EGF: variants seen among roughly 807,000 people sequenced by gnomAD.
The protein encoded by EGF is pro-epidermal growth factor.
Under a neutral mutation model 143.8 loss-of-function variants are expected in EGF, and 95 were observed. That is an observed-to-expected ratio of 0.66 (90% CI 0.56 to 0.78). EGF has a LOEUF of 0.78. Among genes scored for constraint, EGF ranks in the 30% least tolerant of loss-of-function variants. EGF has a pLI of 0.00. For missense variants in EGF, 1,320 were observed against 1,470.9 expected (o/e 0.90, Z 1.68); for synonymous variants, 510 against 510.5 (o/e 1.00, Z 0.01).
chr4:109,960,997 A>G lies in EGF; in HGVS notation c.1189+8A>G. On this transcript the variant is annotated splice_region_variant and intron_variant, in intron 7 of 23. Coordinates refer to ENST00000265171, the MANE Select transcript of EGF (RefSeq NM_001963.6). The stretch of plus-strand genomic sequence containing the variant: ...ATGGGAAACGATGTCATCGTAAGTT[A>G]TAGCAACAAGTATTTATTGCATTAG... The G allele has an allele frequency of 6.2e-7, 1 of 1,613,830 alleles. No individual in the cohort carries two copies. Among genetic ancestry groups the G allele is most frequent in the South Asian group, 1.1e-5 (1 of 91,076 alleles).
chr4:109,927,112 G>T (rs540029519), intron 1 of EGF, among the ~76,000 whole-genome samples: 52 of 152,286 alleles, frequency 3.4e-4, no homozygotes, highest in African/African-American at 1.2e-3. Flanking sequence ...TAGAAAGATA[G>T]AAATTTGCTG....
At chr4:109,993,828 A>G (rs993233020) in intron 19 of EGF, among the ~76,000 whole-genome samples, 6 of 152,114 alleles carry the variant, frequency 3.9e-5, no homozygotes, top group African/African-American at 1.2e-4. Flanking sequence ...CTCAATATTC[A>G]TAATGGTTGA....
chr4:109,950,753 CTG>C (rs1210689111), intron 5 of EGF, among the ~76,000 whole-genome samples: 1 of 152,230 alleles, frequency 6.6e-6, no homozygotes, highest in African/African-American at 2.4e-5. Flanking sequence ...CCTTCACCAG[CTG>C]TCTCTCCTCA....
chr4:109,943,355 A>C lies in EGF; in HGVS notation c.429A>C (p.Thr143=). 1 of 1,613,358 alleles carries C rather than the reference A, an allele frequency of 6.2e-7. No individual in the cohort carries two copies. The highest frequency in any genetic ancestry group is 8.5e-7 in the Non-Finnish European group (1 of 1,179,428). ...AACAGGAAGGAATCATTACAGTAAC[A>C]GATATGAAAGGAAATAATTCCCACA... ...SNQQEGIITV[T]DMKGNNSHIL... The change falls in exon 3 of 24, where the codon ACA becomes ACC. Residue 143 remains threonine, a synonymous_variant. Coordinates refer to ENST00000265171, the MANE Select transcript of EGF (RefSeq NM_001963.6).
chr4:109,995,547 G>A (rs894778895), intron 20 of EGF, among the ~76,000 whole-genome samples: 1 of 152,126 alleles, frequency 6.6e-6, no homozygotes, highest in Admixed American at 6.5e-5. Flanking sequence ...TGCTCACTCC[G>A]AAAACCTTTC....
intron 11 of EGF, among the ~76,000 whole-genome samples, chr4:109,972,445 G>A (rs1747808484): frequency 1.3e-5 from 2 of 152,088 alleles, no homozygotes; most frequent in African/African-American, 4.8e-5. Flanking sequence ...TCATCTCTAA[G>A]ATGATTAGAG....
intron 15 of EGF, 42 bp from the exon 16 acceptor site, chr4:109,983,380 A>G: frequency 3.7e-6 from 6 of 1,606,246 alleles, no homozygotes; most frequent in Non-Finnish European, 5.1e-6. Flanking sequence ...TTTTTTTGAA[A>G]CAGAAAAGCT....
intron 23 of EGF, among the ~76,000 whole-genome samples, chr4:110,010,074 A>G (rs1385719818): frequency 6.6e-6 from 1 of 152,252 alleles, no homozygotes; most frequent in East Asian, 1.9e-4. Context: ...GCCTGTCTCT[A>G]TGGTGGAACG....
chr4:109,945,233 C>A lies in EGF; in HGVS notation c.898C>A (p.Pro300Thr). The change falls in exon 5 of 24, where the codon CCA becomes ACA. Residue 300 changes from proline (P) to threonine (T), a missense_variant. Pro to Thr is a conservative substitution (Grantham distance 38). Coordinates refer to ENST00000265171, the MANE Select transcript of EGF (RefSeq NM_001963.6). Reference sequence around the variant, plus strand: ...ACTTGGTGAACTGAAAGTAGTGCATCCACTTGCACAACCCAAGGCAGAAGA... The same window carrying A: ...ACTTGGTGAACTGAAAGTAGTGCATACACTTGCACAACCCAAGGCAGAAGA... ...VPLGELKVVHPLAQPKAEDDT... is the reference protein window; with the variant it reads ...VPLGELKVVHTLAQPKAEDDT... 1 of 1,614,072 alleles carries A rather than the reference C, an allele frequency of 6.2e-7. No homozygotes were observed. Among genetic ancestry groups the A allele is most frequent in the South Asian group, 1.1e-5 (1 of 91,074 alleles).
At chr4:109,978,381 A>G (rs1748830498) in intron 13 of EGF, among the ~76,000 whole-genome samples, 1 of 152,246 alleles carries the variant, frequency 6.6e-6, no homozygotes. Flanking sequence ...AAGAAAGATT[A>G]TGTCTAGTGT....
chr4:109,990,123 GA>G (rs11569060), intron 18 of EGF, among the ~76,000 whole-genome samples: 200 of 152,154 alleles, frequency 1.3e-3, no homozygotes, highest in Non-Finnish European at 2.5e-3. Context: ...ATTATATCAG[GA>G]ACTCATAAAA....
chr4:109,960,742 T>G, intron 6 of EGF, 125 bp from the exon 7 acceptor site: 1 of 1,111,996 alleles, frequency 9.0e-7, no homozygotes, highest in Non-Finnish European at 1.3e-6. Context: ...GAAAACAGAC[T>G]TTCCATGATC....
In EGF at chr4:109,999,785, G is replaced by C. The variant is rs777153012; in HGVS notation, c.3112G>C (p.Val1038Leu). The change falls in exon 21 of 24, where the codon GTC becomes CTC. Residue 1038 changes from valine (V) to leucine (L), a missense_variant. Val to Leu is a conservative substitution (Grantham distance 32). Coordinates refer to ENST00000265171, the MANE Select transcript of EGF (RefSeq NM_001963.6). ...GQQQKVIVVAVCVVVLVMLLL... is the reference protein window; with the variant it reads ...GQQQKVIVVALCVVVLVMLLL... ...GCAGCAGAAGGTCATCGTGGTGGCT[G>C]TCTGCGTGGTGGTGCTTGTCATGCT... The C allele has an allele frequency of 2.5e-6, 4 of 1,614,118 alleles. No homozygotes were observed. The South Asian group carries it at 4.4e-5, about 18-fold the overall frequency.
intron 1 of EGF, among the ~76,000 whole-genome samples, chr4:109,914,625 T>A (rs1340536562): frequency 6.6e-6 from 1 of 152,200 alleles, no homozygotes; most frequent in Non-Finnish European, 1.5e-5. Context: ...GATCTCTATG[T>A]TCCCAGCACC....
At chr4:109,978,965 T>A (rs1341889166) in intron 13 of EGF, among the ~76,000 whole-genome samples, 1 of 152,236 alleles carries the variant, frequency 6.6e-6, no homozygotes, top group East Asian at 1.9e-4. Flanking sequence ...AAGAGTGGTC[T>A]GTGGGAATGT....
intron 11 of EGF, among the ~76,000 whole-genome samples, chr4:109,972,558 G>T (rs1747834368): frequency 6.6e-6 from 1 of 152,182 alleles, no homozygotes; most frequent in Non-Finnish European, 1.5e-5. Flanking sequence ...AGTGACAGTT[G>T]TGTCTGAGAA....
chr4:110,002,129 C>T (rs1265888810), intron 21 of EGF: 3 of 760,434 alleles, frequency 3.9e-6, no homozygotes, highest in African/African-American at 1.9e-5. Context: ...TATTTCCTCC[C>T]TTATACCATT....
intron 1 of EGF, among the ~76,000 whole-genome samples, chr4:109,932,735 A>C (rs1396236051): frequency 6.6e-6 from 1 of 152,124 alleles, no homozygotes; most frequent in Non-Finnish European, 1.5e-5. Context: ...ATGTCAATGC[A>C]TTAGGAAATT....
chr4:110,001,620 C>T (rs539831655), intron 21 of EGF: 1 of 985,230 alleles, frequency 1.0e-6, no homozygotes, highest in Non-Finnish European at 1.2e-6. Flanking sequence ...TATAGTATGT[C>T]TTATGTTCTG....
Sources: gnomAD v4.1 joint callset for allele counts (sites outside exome capture counted in the v4.1 genomes callset) on GRCh38, gnomAD v4.1.1 for gene constraint, MANE v1.5 for transcripts, NCBI Gene and HGNC (gene_info 2026-07-23, HGNC 2026-07-21) for gene names.